The following BNC2 variants were observed in gnomAD, a reference collection of about 807,000 sequenced individuals.
BNC2 encodes the protein basonuclin zinc finger protein 2, also known as zinc finger protein basonuclin-2.
Under a neutral mutation model 76.3 loss-of-function variants are expected in BNC2, and 20 were observed. The observed-to-expected ratio is 0.26, with a 90% CI of 0.18 to 0.38. BNC2 has a LOEUF of 0.38. BNC2 is among the 10% of genes least tolerant of loss of function. The probability of loss-of-function intolerance (pLI) is 1.00; values close to 1 mark genes in which losing one functional copy is unlikely to be tolerated. For synonymous variants in BNC2, 582 were observed against 514.8 expected (o/e 1.13, Z -1.77); for missense variants, 1,382 against 1,399.8 (o/e 0.99, Z 0.20).
chr9:16,560,714 G>A (rs1818985781), intron 4 of BNC2, among the ~76,000 whole-genome samples: 1 of 152,194 alleles, frequency 6.6e-6, no homozygotes, highest in East Asian at 1.9e-4. Flanking sequence ...ATGACAGAAT[G>A]AGACCGCATC....
At chr9:16,657,841 T>A (rs1821974912) in intron 3 of BNC2, among the ~76,000 whole-genome samples, 1 of 152,202 alleles carries the variant, frequency 6.6e-6, no homozygotes, top group Admixed American at 6.5e-5. Context: ...ACCTGAAGCA[T>A]AATTTGTGGG....
intron 3 of BNC2, among the ~76,000 whole-genome samples, chr9:16,699,009 C>T (rs1823429942): frequency 6.6e-6 from 1 of 152,122 alleles, no homozygotes; most frequent in African/African-American, 2.4e-5. Context: ...TATCAGTATG[C>T]AAACTTTAGA....
intron 1 of BNC2, among the ~76,000 whole-genome samples, chr9:16,836,812 A>G (rs1328975160): frequency 6.6e-6 from 1 of 152,176 alleles, no homozygotes; most frequent in Non-Finnish European, 1.5e-5. Context: ...TAAAAAAGAA[A>G]GAAAAATATA....
At chr9:16,729,159 TTGTC>T (rs1439380528) in intron 2 of BNC2, among the ~76,000 whole-genome samples, 1 of 152,236 alleles carries the variant, frequency 6.6e-6, no homozygotes, top group Non-Finnish European at 1.5e-5. Context: ...TAGATAGTAT[TTGTC>T]TGCCTTATTT....
chr9:16,753,538 T>C (rs138155003), intron 1 of BNC2, among the ~76,000 whole-genome samples: 65 of 152,238 alleles, frequency 4.3e-4, no homozygotes, highest in African/African-American at 1.5e-3. Flanking sequence ...TACAGTGGAG[T>C]TGTGTTCACT....
intron 1 of BNC2, among the ~76,000 whole-genome samples, chr9:16,746,903 A>G (rs1202584135): frequency 6.6e-6 from 1 of 151,420 alleles, no homozygotes; most frequent in Non-Finnish European, 1.5e-5. Context: ...CAGAGCTTGC[A>G]GTGAGCAGAG....
At chr9:16,516,124 TTCGGGTGGCCTGG>T (rs1194828501) in intron 5 of BNC2, among the ~76,000 whole-genome samples, 1 of 152,176 alleles carries the variant, frequency 6.6e-6, no homozygotes, top group East Asian at 1.9e-4. Context: ...CCTCTTGCCT[TTCGGGTGGCCTGG>T]TAAACACACA....
chr9:16,477,888 G>A lies in BNC2; in HGVS notation c.670-40364C>T, dbSNP rs185542694. ...TAGAACAAAGGGGATAGTCTCCTCC[G>A]GTGGGGGTACCTGGCCCCCAATTTG... On this transcript the variant is annotated intron_variant, in intron 5 of 6. Transcript: ENST00000380672. Among the ~76,000 whole-genome samples the A allele has an allele frequency of 1.1e-4, 16 of 152,196 alleles. No individual in the cohort carries two copies. In the East Asian group the frequency reaches 1.4e-3, roughly 13 times the overall value.
intron 5 of BNC2, among the ~76,000 whole-genome samples, chr9:16,496,355 T>C (rs1822389625): frequency 6.6e-6 from 1 of 152,234 alleles, no homozygotes; most frequent in Non-Finnish European, 1.5e-5. Flanking sequence ...CTAGTCATGA[T>C]TCTGTTTAGG....
chr9:16,637,759 AT>A (rs1362183851), intron 3 of BNC2, among the ~76,000 whole-genome samples: 2 of 152,228 alleles, frequency 1.3e-5, no homozygotes, highest in Non-Finnish European at 2.9e-5. Flanking sequence ...GCTACTAGAA[AT>A]TTTAAGATAC....
Position 16,430,140 on chromosome 9 carries a change from A to C in BNC2, c.2639+5415T>G, listed in dbSNP as rs1300068432. On this transcript the variant is annotated intron_variant, in intron 6 of 6. Coordinates refer to ENST00000380672, the MANE Select transcript of BNC2 (RefSeq NM_017637.6). ...CTTCTGATGGAAAGTAATGGAAGAT[A>C]AGTACAAAAGGTCTATTGATCTTGC... The C allele has an allele frequency of 1.2e-5, 5 of 419,622 alleles. No individual in the cohort carries two copies. The Admixed American group carries it at 1.2e-4, about 10-fold the overall frequency. 26.0% of individuals were successfully genotyped at this position (419,622 alleles called of 1,614,324 possible). A position where few individuals can be genotyped will look rare whatever the true frequency, so the allele number is the denominator to read the frequency against.
chr9:16,656,977 C>A (rs1049112511), intron 3 of BNC2, among the ~76,000 whole-genome samples: 5 of 152,022 alleles, frequency 3.3e-5, no homozygotes, highest in African/African-American at 1.2e-4. Flanking sequence ...GGTTTCTAGC[C>A]AGATGGTGAT....
chr9:16,764,924 G>C (rs1208202325), intron 1 of BNC2, among the ~76,000 whole-genome samples: 2 of 151,416 alleles, frequency 1.3e-5, no homozygotes, highest in Admixed American at 1.3e-4. Flanking sequence ...AGGAGGGATG[G>C]GGAAGAAGGG....
chr9:16,671,130 C>G (rs1287591451), intron 3 of BNC2, among the ~76,000 whole-genome samples: 1 of 152,142 alleles, frequency 6.6e-6, no homozygotes, highest in East Asian at 1.9e-4. Flanking sequence ...CTGATCATCT[C>G]AGTAATTCAT....
At chr9:16,798,391 T>C (rs1817705095) in intron 1 of BNC2, among the ~76,000 whole-genome samples, 1 of 152,266 alleles carries the variant, frequency 6.6e-6, no homozygotes, top group South Asian at 2.1e-4. Context: ...ATTAAATATA[T>C]ATGGATTTAC....
chr9:16,479,492 T>C (rs1249764628), intron 5 of BNC2, among the ~76,000 whole-genome samples: 1 of 152,176 alleles, frequency 6.6e-6, no homozygotes, highest in African/African-American at 2.4e-5. Context: ...CTCTTCAATA[T>C]TTTATTATTA....
intron 5 of BNC2, among the ~76,000 whole-genome samples, chr9:16,437,747 A>G (rs1821048776): frequency 6.6e-6 from 1 of 152,230 alleles, no homozygotes; most frequent in Non-Finnish European, 1.5e-5. Flanking sequence ...ATTGAGTTTA[A>G]TAATGTCAAA....
At chr9:16,499,949 T>C (rs900693723) in intron 5 of BNC2, among the ~76,000 whole-genome samples, 3 of 152,100 alleles carry the variant, frequency 2.0e-5, no homozygotes, top group African/African-American at 7.2e-5. Context: ...AACTCAGCTT[T>C]CTGGATTTCA....
In BNC2 at chr9:16,436,136, C is replaced by A. The variant is rs2130852002; in HGVS notation, c.2058G>T (p.Met686Ile). 3 of 1,614,086 alleles carry A rather than the reference C, an allele frequency of 1.9e-6. No homozygotes were observed. In the East Asian group the frequency reaches 6.7e-5, roughly 36 times the overall value. The change falls in exon 6 of 7, where the codon ATG becomes ATT. Residue 686 changes from methionine (M) to isoleucine (I), a missense_variant. Met to Ile is a conservative substitution (Grantham distance 10). This residue lies in a region of BNC2 where 798 missense variants were observed against 775.5 expected (regional missense o/e 1.03). Coordinates refer to ENST00000380672, the MANE Select transcript of BNC2 (RefSeq NM_017637.6). Reference sequence around the variant, plus strand: ...TATGCTTAGAAAAGTCCTTCACAGACATGCCTGGGCTCATCTCCTCTTGGG... The same window carrying A: ...TATGCTTAGAAAAGTCCTTCACAGAAATGCCTGGGCTCATCTCCTCTTGGG... ...CHSQEEMSPG[M>I]SVKDFSKHNR... is the part of the protein sequence containing the mutation.
Sources: allele counts gnomAD v4.1 joint callset (sites outside exome capture counted in the v4.1 genomes callset), GRCh38; gene constraint gnomAD v4.1.1; regional missense constraint gnomAD v4.1.1; transcripts MANE v1.5; gene names NCBI Gene and HGNC (gene_info 2026-07-23, HGNC 2026-07-21).